Variants in UBE3C observed in about 807,000 individuals in gnomAD.
UBE3C encodes the protein ubiquitin protein ligase E3C, also known as ubiquitin-protein ligase E3C.
A neutral mutation model predicts 129.4 loss-of-function variants in UBE3C; 42 were observed. The ratio of observed to expected loss-of-function variants is 0.32; its 90% CI spans 0.25 to 0.42. UBE3C has a LOEUF of 0.42. UBE3C is among the 10% of genes least tolerant of loss of function. The probability of loss-of-function intolerance (pLI) is 1.00; values close to 1 mark genes in which losing one functional copy is unlikely to be tolerated. For synonymous variants in UBE3C, 510 were observed against 492.4 expected (o/e 1.04, Z -0.47); for missense variants, 1,049 against 1,319.1 (o/e 0.80, Z 3.17).
chr7:157,249,412 T>C (rs1796565298), intron 19 of UBE3C, among the ~76,000 whole-genome samples: 1 of 151,552 alleles, frequency 6.6e-6, no homozygotes, highest in Non-Finnish European at 1.5e-5. Flanking sequence ...ACCTCCCGGG[T>C]TCAAGTGATT....
At chr7:157,165,383 C>A (rs972150939) in intron 2 of UBE3C, among the ~76,000 whole-genome samples, 3 of 147,202 alleles carry the variant, frequency 2.0e-5, no homozygotes, top group Non-Finnish European at 4.5e-5. Context: ...TACAGCTGAT[C>A]TCTTTAGCAT....
intron 1 of UBE3C, among the ~76,000 whole-genome samples, chr7:157,147,634 G>T (rs1226508237): frequency 6.6e-6 from 1 of 152,078 alleles, no homozygotes; most frequent in Admixed American, 6.6e-5. Flanking sequence ...AATCTTAGTG[G>T]GAAAGCTTTG....
Position 157,269,269 on chromosome 7 carries a change from C to A in UBE3C, c.*1514C>A, listed in dbSNP as rs548734722. The A allele has an allele frequency of 6.6e-6, 1 of 152,390 alleles. No homozygotes were observed. Among genetic ancestry groups the A allele is most frequent in the Non-Finnish European group, 1.5e-5 (1 of 68,018 alleles). 9.4% of individuals were successfully genotyped at this position (152,390 alleles called of 1,614,324 possible). A position where few individuals can be genotyped will look rare whatever the true frequency, so the allele number is the denominator to read the frequency against. On this transcript the variant is annotated 3_prime_UTR_variant, in exon 23 of 23. Transcript: ENST00000348165. ...ATATCTGAGACTGAAGAGAAATTGA[C>A]AATTCACTTATTTGTGGTTTTTTTC... is the stretch of plus-strand genomic sequence containing the variant.
chr7:157,195,866 G>T (rs1425715057), intron 10 of UBE3C, among the ~76,000 whole-genome samples: 1 of 152,148 alleles, frequency 6.6e-6, no homozygotes, highest in Non-Finnish European at 1.5e-5. Context: ...GGGGTGGAGT[G>T]GTGGCGGGGC....
intron 9 of UBE3C, among the ~76,000 whole-genome samples, chr7:157,185,339 A>G (rs1348082515): frequency 6.6e-6 from 1 of 152,248 alleles, no homozygotes; most frequent in Non-Finnish European, 1.5e-5. Context: ...CTTGATTTTT[A>G]AAATTATTTA....
chr7:157,180,551 A>G (rs1003520062), intron 6 of UBE3C, among the ~76,000 whole-genome samples: 2 of 151,608 alleles, frequency 1.3e-5, no homozygotes, highest in African/African-American at 4.8e-5. Flanking sequence ...AAACTAGCCC[A>G]TGCAGATGGA....
intron 18 of UBE3C, among the ~76,000 whole-genome samples, chr7:157,237,980 A>G (rs1796196385): frequency 6.6e-6 from 1 of 152,008 alleles, no homozygotes; most frequent in Non-Finnish European, 1.5e-5. Context: ...TGAGCCTGAA[A>G]TGTAGAGGCT....
rs557202052 is a variant in UBE3C, at chr7:157,148,327, T to C, written c.66+8989T>C. On this transcript the variant is annotated intron_variant, in intron 1 of 22. Transcript: ENST00000348165. Reference sequence around the variant, plus strand: ...CATGTTGTCCATACTGGCCTTGAACTCCTGGCCTCAAGTGATCTGCCCACC... The same window carrying C: ...CATGTTGTCCATACTGGCCTTGAACCCCTGGCCTCAAGTGATCTGCCCACC... 5.9e-5 allele frequency among the ~76,000 whole-genome samples: 9 copies of C among 152,274 alleles called. No homozygotes were observed. The South Asian group carries it at 1.2e-3, about 21-fold the overall frequency.
intron 1 of UBE3C, among the ~76,000 whole-genome samples, chr7:157,152,295 T>G (rs2116818411): frequency 6.6e-6 from 1 of 152,206 alleles, no homozygotes; most frequent in South Asian, 2.1e-4. Flanking sequence ...TAAGGCATAT[T>G]CAGGGAGGAC....
intron 18 of UBE3C, among the ~76,000 whole-genome samples, chr7:157,248,126 G>T (rs144237967): frequency 2.1e-4 from 32 of 152,074 alleles, no homozygotes; most frequent in African/African-American, 7.2e-4. Context: ...ATAATTCCAC[G>T]ATTTCGCTCC....
intron 5 of UBE3C, among the ~76,000 whole-genome samples, chr7:157,175,552 A>G (rs1808495649): frequency 6.6e-6 from 1 of 152,230 alleles, no homozygotes; most frequent in Admixed American, 6.5e-5. Flanking sequence ...TAACACCTTT[A>G]CCAGCTTTTA....
intron 19 of UBE3C, among the ~76,000 whole-genome samples, chr7:157,253,405 C>G (rs1796667693): frequency 6.6e-6 from 1 of 152,188 alleles, no homozygotes; most frequent in Non-Finnish European, 1.5e-5. Context: ...CTTACTCACT[C>G]TGTTTATATA....
intron 19 of UBE3C, among the ~76,000 whole-genome samples, chr7:157,249,312 G>A (rs908365428): frequency 2.0e-5 from 3 of 151,414 alleles, no homozygotes; most frequent in African/African-American, 4.9e-5. Context: ...ACTTCACATC[G>A]ATAGAGTCTT....
intron 18 of UBE3C, among the ~76,000 whole-genome samples, chr7:157,235,448 A>C (rs1796130069): frequency 6.6e-6 from 1 of 152,228 alleles, no homozygotes; most frequent in African/African-American, 2.4e-5. Flanking sequence ...TAAATCATCC[A>C]GTCTTGATTA....
At chr7:157,196,230 GA>G in intron 10 of UBE3C, among the ~76,000 whole-genome samples, 1 of 152,190 alleles carries the variant, frequency 6.6e-6, no homozygotes, top group East Asian at 1.9e-4. Context: ...CAACGCTGCC[GA>G]CAAACTGATG....
intron 18 of UBE3C, among the ~76,000 whole-genome samples, chr7:157,232,201 G>A (rs1796039758): frequency 6.6e-6 from 1 of 152,078 alleles, no homozygotes; most frequent in African/African-American, 2.4e-5. Context: ...CTGATCCAGT[G>A]TAACTTCATC....
chr7:157,264,503 A>G (rs1797021488), intron 22 of UBE3C, among the ~76,000 whole-genome samples: 1 of 137,256 alleles, frequency 7.3e-6, no homozygotes, highest in East Asian at 2.4e-4. Context: ...GTGCGCCAAC[A>G]TGCTCGGCCT....
At chr7:157,248,692 ATGACTG>A in intron 19 of UBE3C, 112 bp downstream of exon 19, 1 of 1,196,722 alleles carries the variant, frequency 8.4e-7, no homozygotes, top group Non-Finnish European at 1.2e-6. Context: ...TTTAGTTAGA[ATGACTG>A]TGGCTGTGAG....
rs578066441 is a variant in UBE3C at position 157,190,972 on chromosome 7, G to A, written c.1331+3951G>A. Reference sequence around the variant, plus strand: ...TGTCTGGGCTGGCATGTTCTCAGGGGCTTGGCTCTTTTACCCCATTGATGG... The same window carrying A: ...TGTCTGGGCTGGCATGTTCTCAGGGACTTGGCTCTTTTACCCCATTGATGG... On this transcript the variant is annotated intron_variant, in intron 10 of 22. Coordinates refer to ENST00000348165, the MANE Select transcript of UBE3C (RefSeq NM_014671.3). Among the ~76,000 whole-genome samples the A allele has an allele frequency of 2.3e-3, 344 of 152,284 alleles. 1 individual carries two copies. The highest frequency in any genetic ancestry group is 0.01 in the Middle Eastern group (3 of 294).
Sources: gnomAD v4.1 joint callset for allele counts (sites outside exome capture counted in the v4.1 genomes callset) on GRCh38, gnomAD v4.1.1 for gene constraint, MANE v1.5 for transcripts, NCBI Gene and HGNC (gene_info 2026-07-23, HGNC 2026-07-21) for gene names.